The following USB1 variants were observed in gnomAD, a reference collection of about 807,000 sequenced individuals.
USB1 encodes the protein U6 snRNA biogenesis phosphodiesterase 1, also known as U6 snRNA phosphodiesterase 1.
USB1 carries 21 observed loss-of-function variants against 29.9 expected under a neutral mutation model. The observed-to-expected ratio is 0.70, with a 90% CI of 0.50 to 1.01. The LOEUF (loss-of-function observed/expected upper bound fraction) is 1.01, where lower values mean the gene tolerates loss of function less well. Ranked by LOEUF, USB1 falls within the 50% of genes least tolerant of loss-of-function variation. The pLI is 0.00. For synonymous variants in USB1, 143 were observed against 134.9 expected (o/e 1.06, Z -0.42); for missense variants, 330 against 347.1 (o/e 0.95, Z 0.39).
In USB1 at chr16:58,013,213, G is replaced by T. The variant is rs1963538968; in HGVS notation, c.450-1060G>T. On this transcript the variant is annotated intron_variant, in intron 3 of 6. Transcript: ENST00000219281. The surrounding 1 kb of genome is among the most constrained non-coding windows in gnomAD (Gnocchi z 4.3). ...GTGGAGAGCCATCCTGCAACACGAG[G>T]TTACCAGGAGAAGGAGTTTTGGTTG... is the stretch of plus-strand genomic sequence containing the variant. 1.0e-6 allele frequency: 1 copy of T among 985,338 alleles called. No homozygotes were observed. Among genetic ancestry groups the T allele is most frequent in the Non-Finnish European group, 1.2e-6 (1 of 829,978 alleles). 61.0% of individuals were successfully genotyped at this position (985,338 alleles called of 1,614,324 possible). A position where few individuals can be genotyped will look rare whatever the true frequency, so the allele number is the denominator to read the frequency against.
chr16:58,002,424 A>G, intron 1 of USB1, 55 bp from the exon 2 acceptor site: 1 of 1,608,998 alleles, frequency 6.2e-7, no homozygotes, highest in Non-Finnish European at 8.5e-7. Context: ...GTATATACAA[A>G]GGTAGAGAAT....
rs16959637 is a variant in USB1, at chr16:58,013,869, G to A, written c.450-404G>A. 0.062 allele frequency: 13,639 copies of A among 218,816 alleles called. 574 individuals carry two copies. The highest frequency in any genetic ancestry group is 0.091 in the East Asian group (789 of 8,700). 13.6% of individuals were successfully genotyped at this position (218,816 alleles called of 1,614,324 possible). ...CCCTGACACACGAAGAAATGTTGTC[G>A]TGATTGCTTAGATGAAATCGGAGTC... On this transcript the variant is annotated intron_variant, in intron 3 of 6. Coordinates refer to ENST00000219281, the MANE Select transcript of USB1 (RefSeq NM_024598.4). This position sits in a 1 kb window ranked among gnomAD's most constrained non-coding sequence, Gnocchi z 4.3.
At chr16:58,006,368 C>CAA (rs74564449) in intron 2 of USB1, among the ~76,000 whole-genome samples, 1 of 86,702 alleles carries the variant, frequency 1.2e-5, no homozygotes, top group Non-Finnish European at 2.3e-5. Context: ...AAAAAAAAAA[C>CAA]AAAAAAAAAA....
chr16:58,007,399 G>A (rs541319506), intron 2 of USB1, among the ~76,000 whole-genome samples: 47 of 151,648 alleles, frequency 3.1e-4, no homozygotes, highest in Non-Finnish European at 3.8e-4. Flanking sequence ...TTTGTTTTTC[G>A]GAGACAGAGT....
chr16:58,012,765 C>T (rs997505672), intron 3 of USB1: 82 of 1,023,182 alleles, frequency 8.0e-5, no homozygotes, highest in Non-Finnish European at 9.6e-5. Context: ...GTGCTGATGA[C>T]TGGCACACTG....
At chr16:58,008,133 G>T (rs1209968913) in intron 2 of USB1, among the ~76,000 whole-genome samples, 1 of 152,102 alleles carries the variant, frequency 6.6e-6, no homozygotes, top group African/African-American at 2.4e-5. Flanking sequence ...GTTATTCATG[G>T]TATTCTTTGA....
chr16:58,003,449 C>T (rs928754270), intron 2 of USB1, among the ~76,000 whole-genome samples: 1 of 152,210 alleles, frequency 6.6e-6, no homozygotes, highest in Non-Finnish European at 1.5e-5. Context: ...TTGGTGGCTT[C>T]TTACAAAACT....
intron 2 of USB1, among the ~76,000 whole-genome samples, chr16:58,008,403 A>G (rs150317953): frequency 1.1e-4 from 17 of 148,618 alleles, no homozygotes; most frequent in Admixed American, 3.3e-4. Context: ...TTGTTTTTCT[A>G]CTTTCCTAAG....
At chr16:58,016,806 G>T in intron 4 of USB1, 1 of 184,940 alleles carries the variant, frequency 5.4e-6, no homozygotes. Flanking sequence ...AAGATGGGAG[G>T]TGAGAAAGAG....
rs1344899205 is a variant in USB1, at chr16:58,001,462, T to C, written c.-22T>C. The C allele has an allele frequency of 1.9e-6, 3 of 1,584,838 alleles. No homozygotes were observed. The highest frequency in any genetic ancestry group is 2.7e-5 in the African/African-American group (2 of 74,200). The stretch of plus-strand genomic sequence containing the variant: ...GTTGAGGTTGCTGGTGGACCTGCTC[T>C]GGTGGTCTTGGATGAGGCCCCATGA... On this transcript the variant is annotated 5_prime_UTR_variant, in exon 1 of 7. Coordinates refer to ENST00000219281, the MANE Select transcript of USB1 (RefSeq NM_024598.4).
At chr16:58,011,350 G>C in intron 3 of USB1, 1 of 1,284,592 alleles carries the variant, frequency 7.8e-7, no homozygotes. Flanking sequence ...TGAAGGGTTA[G>C]TACCAGACCC....
In USB1 at chr16:58,020,338, G is replaced by C; in HGVS notation, c.*93G>C. The C allele has an allele frequency of 3.2e-6, 4 of 1,236,118 alleles. No homozygotes were observed. Among genetic ancestry groups the C allele is most frequent in the Non-Finnish European group, 4.7e-6 (4 of 854,210 alleles). The allele number at this position is 1,236,118 out of a possible 1,614,324, so 76.6% of individuals were successfully genotyped here. A position where few individuals can be genotyped will look rare whatever the true frequency, so the allele number is the denominator to read the frequency against. On this transcript the variant is annotated 3_prime_UTR_variant, in exon 7 of 7. Transcript: ENST00000219281. ...CGATGGAGATGCTTCTAGCCTCCCA[G>C]TAGGAGGCCCCAGCCATGCCTTCAA...
chr16:58,001,203 C>T (rs1963174724), upstream of USB1, among the ~76,000 whole-genome samples: 1 of 152,026 alleles, frequency 6.6e-6, no homozygotes, highest in South Asian at 2.1e-4. Context: ...AGGTGAGGGC[C>T]CTGAGCGATA....
At position 58,001,550 on chromosome 16, in the gene USB1, C is replaced by T. The variant is rs747805446; in HGVS notation, c.67C>T (p.Arg23Trp). The T allele has an allele frequency of 1.6e-5, 25 of 1,608,326 alleles. No individual in the cohort carries two copies. The highest frequency in any genetic ancestry group is 3.3e-5 in the South Asian group (3 of 90,136). ...GSEDESEDGM[R>W]TRPGDGSHRR... ...CGAGGATGAGTCCGAGGACGGGATG[C>T]GGACCAGGCCGGGGGATGGGAGCCA... The change falls in exon 1 of 7, where the codon CGG becomes TGG. Residue 23 changes from arginine to tryptophan, a missense_variant. Physicochemically the swap from Arg to Trp is moderately radical, Grantham distance 101. Coordinates refer to ENST00000219281, the MANE Select transcript of USB1 (RefSeq NM_024598.4).
At chr16:58,014,897 C>T (rs1419220927) in intron 4 of USB1, among the ~76,000 whole-genome samples, 1 of 151,968 alleles carries the variant, frequency 6.6e-6, no homozygotes, top group Admixed American at 6.6e-5. Context: ...CCTGACATGG[C>T]GAAACCCCAT....
In USB1 at chr16:58,001,596, A is replaced by C; in HGVS notation, c.98+15A>C. On this transcript the variant is annotated intron_variant, in intron 1 of 6. Transcript: ENST00000219281. ...AGCCACCGTCGGTGAGGAGTGAGGA[A>C]GTCTCTCCGGAGGGCGCGCGCATTC... The C allele has an allele frequency of 6.3e-7, 1 of 1,596,014 alleles. No individual in the cohort carries two copies. Among genetic ancestry groups the C allele is most frequent in the Non-Finnish European group, 8.5e-7 (1 of 1,171,802 alleles).
intron 4 of USB1, 133 bp downstream of exon 4, chr16:58,014,459 TC>T: frequency 1.3e-6 from 1 of 766,018 alleles, no homozygotes; most frequent in Non-Finnish European, 2.3e-6. Flanking sequence ...AAGGCAGCTA[TC>T]CCCAAATCTG....
At position 58,020,228 on chromosome 16, in the gene USB1, T is replaced by C; in HGVS notation, c.781T>C (p.Ser261Pro). 3.7e-6 allele frequency: 6 copies of C among 1,614,166 alleles called. No individual in the cohort carries two copies. The highest frequency in any genetic ancestry group is 5.1e-6 in the Non-Finnish European group (6 of 1,180,020). The part of the protein sequence containing the change: ...VRCKSGNKFF[S>P]MPLK Reference sequence around the variant, plus strand: ...CTGCAAGTCTGGGAACAAGTTCTTCTCGATGCCTTTGAAGTGAGCACCAGA... The same window carrying C: ...CTGCAAGTCTGGGAACAAGTTCTTCCCGATGCCTTTGAAGTGAGCACCAGA... The change falls in exon 7 of 7, where the codon TCG becomes CCG. Residue 261 changes from serine (S) to proline (P), a missense_variant. Coordinates refer to ENST00000219281, the MANE Select transcript of USB1 (RefSeq NM_024598.4).
At chr16:58,005,064 G>A (rs1293452909) in intron 2 of USB1, among the ~76,000 whole-genome samples, 4 of 152,036 alleles carry the variant, frequency 2.6e-5, no homozygotes, top group Non-Finnish European at 4.4e-5. Context: ...AGAGAGAGAG[G>A]ACAGCTTACA....
Sources: gnomAD v4.1 joint callset for allele counts (sites outside exome capture counted in the v4.1 genomes callset) on GRCh38, gnomAD v4.1.1 for gene constraint, Gnocchi (gnomAD v3.1) non-coding constraint, MANE v1.5 for transcripts, NCBI Gene and HGNC (gene_info 2026-07-23, HGNC 2026-07-21) for gene names.